The following PAQR3 variants were observed in gnomAD, a reference collection of about 807,000 sequenced individuals.
PAQR3 encodes the protein Raf kinase trapping to Golgi.
Under a neutral mutation model 41.7 loss-of-function variants are expected in PAQR3, and 39 were observed. The ratio of observed to expected loss-of-function variants is 0.93; its 90% CI spans 0.72 to 1.22. The LOEUF (loss-of-function observed/expected upper bound fraction) is 1.22, where lower values mean the gene tolerates loss of function less well. Ranked by LOEUF, PAQR3 falls within the 50% of genes most tolerant of loss-of-function variation. The pLI is 0.00. For synonymous variants in PAQR3, 140 were observed against 140.6 expected (o/e 1.00, Z 0.03); for missense variants, 366 against 385.6 (o/e 0.95, Z 0.42).
downstream of PAQR3, chr4:78,910,646 A>G (rs1223781169): frequency 6.4e-7 from 1 of 1,560,516 alleles, no homozygotes; most frequent in Non-Finnish European, 8.6e-7. Flanking sequence ...TCATCTATAA[A>G]TCAAGAAAAT....
At chr4:78,894,051 G>T (rs1733576288) in intron 11 of PAQR3, among the ~76,000 whole-genome samples, 1 of 152,222 alleles carries the variant, frequency 6.6e-6, no homozygotes, top group Admixed American at 6.5e-5. Flanking sequence ...GATTTCAAGA[G>T]TGGGTTTCAA....
At position 78,918,284 on chromosome 4, in the gene PAQR3, TTAC is replaced by T; in HGVS notation, c.*2252_*2254del. 1 of 944,270 alleles carries T rather than the reference TTAC, an allele frequency of 1.1e-6. No homozygotes were observed. The highest frequency in any genetic ancestry group is 1.3e-6 in the Non-Finnish European group (1 of 792,178). The allele number at this position is 944,270 out of a possible 1,614,324, so 58.5% of individuals were successfully genotyped here. On this transcript the variant is annotated 3_prime_UTR_variant, in exon 6 of 6. Transcript: ENST00000512733. ...ACAAAAATAACTTAAATATACATCA[TTAC>T]AAGGCTCAGATTTGTAGACAACTTT...
intron 3 of PAQR3, among the ~76,000 whole-genome samples, chr4:78,928,331 C>T (rs1204503995): frequency 1.3e-5 from 2 of 152,110 alleles, no homozygotes; most frequent in Non-Finnish European, 2.9e-5. Flanking sequence ...AAATAGCATA[C>T]TGCTAAAATC....
rs1405613509 is a variant in PAQR3, at chr4:78,912,834, T to C, written c.*7705A>G. The stretch of plus-strand genomic sequence containing the variant: ...AATATGAAGAGAAATATCTGACATT[T>C]GTAAAGAAATTATAAGAAGAAAAAA... On this transcript the variant is annotated 3_prime_UTR_variant, in exon 6 of 6. Coordinates refer to ENST00000512733, the MANE Select transcript of PAQR3 (RefSeq NM_001040202.2). 3.9e-5 allele frequency: 6 copies of C among 152,274 alleles called. No individual in the cohort carries two copies. The South Asian group carries it at 1.2e-3, about 32-fold the overall frequency. 9.4% of individuals were successfully genotyped at this position (152,274 alleles called of 1,614,324 possible).
rs1370710501 is a variant in PAQR3, at chr4:78,912,651, AATG to A, written c.*7885_*7887del. 6.6e-6 allele frequency: 1 copy of A among 152,230 alleles called. No individual in the cohort carries two copies. Among genetic ancestry groups the A allele is most frequent in the Non-Finnish European group, 1.5e-5 (1 of 68,050 alleles). The allele number at this position is 152,230 out of a possible 1,614,324, so 9.4% of individuals were successfully genotyped here. A position where few individuals can be genotyped will look rare whatever the true frequency, so the allele number is the denominator to read the frequency against. ...CAAGTGCCATTAAAATGGAATATCT[AATG>A]ATAAGCATATGAAATAATGTGTAAT... On this transcript the variant is annotated 3_prime_UTR_variant, in exon 6 of 6. Coordinates refer to ENST00000512733, the MANE Select transcript of PAQR3 (RefSeq NM_001040202.2).
In PAQR3 at chr4:78,917,931, A is replaced by G; in HGVS notation, c.*2608T>C. 1.0e-6 allele frequency: 1 copy of G among 984,354 alleles called. No individual in the cohort carries two copies. Among genetic ancestry groups the G allele is most frequent in the Non-Finnish European group, 1.2e-6 (1 of 828,630 alleles). 61.0% of individuals were successfully genotyped at this position (984,354 alleles called of 1,614,324 possible). A position where few individuals can be genotyped will look rare whatever the true frequency, so the allele number is the denominator to read the frequency against. The stretch of plus-strand genomic sequence containing the variant: ...TGTATTACAAAGAATGACAAGCAGC[A>G]GTTAAAAATATTTAGTAAACCCAGT... On this transcript the variant is annotated 3_prime_UTR_variant, in exon 6 of 6. Transcript: ENST00000512733.
At chr4:78,936,459 G>A (rs894973265) in intron 1 of PAQR3, among the ~76,000 whole-genome samples, 1 of 152,160 alleles carries the variant, frequency 6.6e-6, no homozygotes, top group African/African-American at 2.4e-5. Context: ...TTGTAACAAT[G>A]AAAGTGAGAA....
chr4:78,887,807 A>T (rs1177580198), intron 12 of PAQR3, among the ~76,000 whole-genome samples: 1 of 152,216 alleles, frequency 6.6e-6, no homozygotes, highest in East Asian at 1.9e-4. Flanking sequence ...AGATACTAGG[A>T]TGGAATAGGA....
chr4:78,930,533 T>C (rs578187857), intron 2 of PAQR3: 7 of 374,378 alleles, frequency 1.9e-5, no homozygotes, highest in East Asian at 7.9e-5. Context: ...AGTTCCCTCA[T>C]GGGTAAAATG....
At chr4:78,922,441 G>C (rs1344218971) in intron 5 of PAQR3, 7 of 1,288,396 alleles carry the variant, frequency 5.4e-6, no homozygotes, top group Non-Finnish European at 7.1e-6. Context: ...GGAAGAAGAG[G>C]GGATAAATTT....
chr4:78,919,850 A>T lies in PAQR3; in HGVS notation c.*689T>A, dbSNP rs1001275587. 4 of 984,360 alleles carry T rather than the reference A, an allele frequency of 4.1e-6. No homozygotes were observed. In the African/African-American group the frequency reaches 7.0e-5, roughly 17 times the overall value. The allele number at this position is 984,360 out of a possible 1,614,324, so 61.0% of individuals were successfully genotyped here. On this transcript the variant is annotated 3_prime_UTR_variant, in exon 6 of 6. Transcript: ENST00000512733. The stretch of plus-strand genomic sequence containing the variant: ...CACATAATTTGTTGTCTAATCTTGT[A>T]CTTAGTTTCTAATGTGATTCTTATC...
downstream of PAQR3, chr4:78,911,346 C>A: frequency 6.2e-7 from 1 of 1,613,702 alleles, no homozygotes; most frequent in Non-Finnish European, 8.5e-7. Flanking sequence ...ATGTATTTGG[C>A]TCCACTCCAT....
At chr4:78,936,862 C>T (rs1051241270) in intron 1 of PAQR3, among the ~76,000 whole-genome samples, 8 of 152,206 alleles carry the variant, frequency 5.3e-5, no homozygotes, top group Non-Finnish European at 2.9e-5. Context: ...CTATGACATA[C>T]AAAACCTCCT....
At chr4:78,907,098 T>C (rs1469344459), downstream of PAQR3, among the ~76,000 whole-genome samples, 1 of 152,176 alleles carries the variant, frequency 6.6e-6, no homozygotes, top group Non-Finnish European at 1.5e-5. Context: ...ACCTAAATAT[T>C]CTATTGCTAA....
intron 5 of PAQR3, chr4:78,921,617 A>C: frequency 1.1e-6 from 1 of 892,728 alleles, no homozygotes; most frequent in East Asian, 1.2e-4. Context: ...GATCCACTCA[A>C]TTCTATCCAT....
At chr4:78,901,645 T>C (rs372876966) in intron 11 of PAQR3, among the ~76,000 whole-genome samples, 22 of 152,316 alleles carry the variant, frequency 1.4e-4, no homozygotes, top group African/African-American at 4.8e-4. Flanking sequence ...ATTCCCTTTC[T>C]TCTCCCCAGG....
chr4:78,928,824 C>T (rs1010088839), intron 3 of PAQR3, among the ~76,000 whole-genome samples: 3 of 152,212 alleles, frequency 2.0e-5, no homozygotes, highest in African/African-American at 7.2e-5. Context: ...TTATACAACT[C>T]ACCATAATGT....
intron 11 of PAQR3, among the ~76,000 whole-genome samples, chr4:78,892,696 A>C (rs564742055): frequency 6.6e-6 from 1 of 152,228 alleles, no homozygotes; most frequent in Non-Finnish European, 1.5e-5. Flanking sequence ...ATATTTTGCA[A>C]TAAAGAGAGG....
chr4:78,929,194 G>C (rs1736562041), intron 3 of PAQR3, among the ~76,000 whole-genome samples: 1 of 152,156 alleles, frequency 6.6e-6, no homozygotes, highest in South Asian at 2.1e-4. Flanking sequence ...GTGGGCCTTG[G>C]GCAGGACAGG....
Sources: allele counts gnomAD v4.1 joint callset (sites outside exome capture counted in the v4.1 genomes callset), GRCh38; gene constraint gnomAD v4.1.1; transcripts MANE v1.5; gene names NCBI Gene and HGNC (gene_info 2026-07-23, HGNC 2026-07-21).